The following KDM4C variants were observed in gnomAD, a reference collection of about 807,000 sequenced individuals.
The protein encoded by KDM4C is lysine-specific demethylase 4C.
A neutral mutation model predicts 129.3 loss-of-function variants in KDM4C; 81 were observed. The ratio of observed to expected loss-of-function variants is 0.63; its 90% CI spans 0.52 to 0.75. The LOEUF (loss-of-function observed/expected upper bound fraction) is 0.75. Among genes scored for constraint, KDM4C ranks in the 30% least tolerant of loss-of-function variants. The pLI is 0.00. For synonymous variants in KDM4C, 573 were observed against 456.1 expected, an observed-to-expected ratio of 1.26 and a Z score of -3.26; for missense variants, 1,457 against 1,304.0, an observed-to-expected ratio of 1.12 and a Z score of -1.81.
chr9:6,835,211 A>T (rs1588595386), intron 4 of KDM4C: 1 of 914,890 alleles, frequency 1.1e-6, no homozygotes, highest in Non-Finnish European at 1.8e-6. Flanking sequence ...GGCAACGAGC[A>T]GTTCTGCTGC....
At chr9:7,024,605 T>A (rs1454287501) in intron 15 of KDM4C, among the ~76,000 whole-genome samples, 1 of 152,034 alleles carries the variant, frequency 6.6e-6, no homozygotes, top group Non-Finnish European at 1.5e-5. Context: ...GTTCTTGCAA[T>A]ACTTTGCTGA....
At chr9:7,014,190 C>T (rs910336348) in intron 14 of KDM4C, 189 bp downstream of exon 14, 3 of 551,614 alleles carry the variant, frequency 5.4e-6, no homozygotes, top group East Asian at 2.9e-5. Flanking sequence ...TCACCACTTT[C>T]ATGTAGTATC....
intron 8 of KDM4C, among the ~76,000 whole-genome samples, chr9:6,943,794 G>C (rs1826394446): frequency 6.6e-6 from 1 of 152,182 alleles, no homozygotes; most frequent in African/African-American, 2.4e-5. Context: ...TTCTGTGTCA[G>C]AACAACTGAA....
At chr9:6,977,350 C>T (rs986461523) in intron 8 of KDM4C, among the ~76,000 whole-genome samples, 18 of 152,018 alleles carry the variant, frequency 1.2e-4, no homozygotes, top group African/African-American at 4.4e-4. Context: ...ATGATATGTT[C>T]GAAATTCACT....
rs1224266272 is a variant in KDM4C at position 7,095,928 on chromosome 9, T to A, written c.2425-7757T>A. 5.9e-5 allele frequency among the ~76,000 whole-genome samples: 9 copies of A among 152,328 alleles called. No homozygotes were observed. In the East Asian group the frequency reaches 1.7e-3, roughly 29 times the overall value. ...AAATAATGGAATTTCCTTTAGGAAA[T>A]AGGTGCTCTTTAATACGAACATAAA... is the stretch of plus-strand genomic sequence containing the variant. On this transcript the variant is annotated intron_variant, in intron 17 of 21. Transcript: ENST00000381309.
intron 12 of KDM4C, among the ~76,000 whole-genome samples, chr9:6,998,436 C>A (rs1371054551): frequency 6.6e-6 from 1 of 152,108 alleles, no homozygotes; most frequent in Non-Finnish European, 1.5e-5. Flanking sequence ...CTCAGGAAGT[C>A]CCGTTTGACT....
intron 17 of KDM4C, among the ~76,000 whole-genome samples, chr9:7,090,763 G>C (rs945039148): frequency 6.6e-6 from 1 of 152,182 alleles, no homozygotes; most frequent in Non-Finnish European, 1.5e-5. Context: ...TTCTAGGCAT[G>C]TTTATCTTTG....
intron 1 of KDM4C, among the ~76,000 whole-genome samples, chr9:6,770,923 A>G (rs1390799500): frequency 1.3e-5 from 2 of 151,062 alleles, no homozygotes; most frequent in East Asian, 1.9e-4. Flanking sequence ...CTACAGGTGC[A>G]TGCCACCACT....
intron 21 of KDM4C, among the ~76,000 whole-genome samples, chr9:7,173,160 C>A (rs545921429): frequency 6.6e-6 from 1 of 152,366 alleles, no homozygotes; most frequent in Middle Eastern, 3.4e-3. Context: ...TGCCCCTTAC[C>A]TCTACCACTG....
intron 1 of KDM4C, among the ~76,000 whole-genome samples, chr9:6,731,524 G>A (rs374304915): frequency 2.6e-5 from 4 of 151,612 alleles, no homozygotes; most frequent in South Asian, 2.1e-4. Context: ...TAGTAGAGAC[G>A]GGGTTTCTCC....
At chr9:7,072,014 C>T (rs1564079500) in intron 17 of KDM4C, among the ~76,000 whole-genome samples, 1 of 152,158 alleles carries the variant, frequency 6.6e-6, no homozygotes, top group South Asian at 2.1e-4. Flanking sequence ...TTACACTTCA[C>T]TAGAGGACAT....
At chr9:7,098,096 TTGTC>T (rs1263612216) in intron 17 of KDM4C, among the ~76,000 whole-genome samples, 5 of 152,226 alleles carry the variant, frequency 3.3e-5, no homozygotes, top group Admixed American at 1.3e-4. Flanking sequence ...ATTTGTTAAT[TTGTC>T]TGTTTGTGTC....
At chr9:7,008,072 G>A (rs1352113867) in intron 12 of KDM4C, among the ~76,000 whole-genome samples, 2 of 152,164 alleles carry the variant, frequency 1.3e-5, no homozygotes, top group African/African-American at 4.8e-5. Flanking sequence ...GCATTGAAGA[G>A]ATAGGAAGGA....
intron 1 of KDM4C, among the ~76,000 whole-genome samples, chr9:6,729,809 C>T (rs1817260780): frequency 7.5e-6 from 1 of 133,814 alleles, no homozygotes; most frequent in African/African-American, 3.2e-5. Flanking sequence ...ATAAAAAAGG[C>T]TTAATAAAGC....
intron 12 of KDM4C, among the ~76,000 whole-genome samples, chr9:7,000,133 G>T (rs1211600617): frequency 2.0e-5 from 3 of 152,066 alleles, no homozygotes; most frequent in African/African-American, 7.2e-5. Flanking sequence ...AGTGCTTAAG[G>T]TTTGTAATAA....
In KDM4C at chr9:6,839,933, T is replaced by C. The variant is rs76946764; in HGVS notation, c.436-9574T>C. On this transcript the variant is annotated intron_variant, in intron 4 of 21. Coordinates refer to ENST00000381309, the MANE Select transcript of KDM4C (RefSeq NM_015061.6). Reference sequence around the variant, plus strand: ...AATAAAAAGCTTCACATTAATGGGTTAATGAGAAACACCATGTCACAATGC... The same window carrying C: ...AATAAAAAGCTTCACATTAATGGGTCAATGAGAAACACCATGTCACAATGC... 5.9e-3 allele frequency among the ~76,000 whole-genome samples: 883 copies of C among 149,432 alleles called. 7 individuals are homozygous for C. The highest frequency in any genetic ancestry group is 0.028 in the Middle Eastern group (8 of 288).
At chr9:6,850,858 G>A (rs1184550454) in intron 5 of KDM4C, among the ~76,000 whole-genome samples, 7 of 152,180 alleles carry the variant, frequency 4.6e-5, no homozygotes, top group South Asian at 2.1e-4. Flanking sequence ...AGGTTCAAGC[G>A]ATTCTCCTGC....
chr9:6,798,687 C>A (rs578040134), intron 2 of KDM4C, among the ~76,000 whole-genome samples: 150 of 152,348 alleles, frequency 9.8e-4, no homozygotes, highest in Middle Eastern at 3.4e-3. Flanking sequence ...CTTTTCCCCA[C>A]CTTTCCCCCT....
intron 12 of KDM4C, among the ~76,000 whole-genome samples, chr9:6,992,946 G>C (rs752530021): frequency 1.3e-5 from 2 of 152,162 alleles, no homozygotes; most frequent in Non-Finnish European, 2.9e-5. Flanking sequence ...AGGACCTCTG[G>C]GAGCTGCTAT....
Sources: gnomAD v4.1 joint callset for allele counts (sites outside exome capture counted in the v4.1 genomes callset) on GRCh38, gnomAD v4.1.1 for gene constraint, MANE v1.5 for transcripts, NCBI Gene and HGNC (gene_info 2026-07-23, HGNC 2026-07-21) for gene names.